HES5: variants seen among roughly 807,000 people sequenced by gnomAD.
HES5 encodes transcription factor HES-5.
Under a neutral mutation model 9.6 loss-of-function variants are expected in HES5, and 12 were observed. The observed-to-expected ratio is 1.25, with a 90% confidence interval of 0.80 to 2.03. The LOEUF is 2.03. Ranked by LOEUF, HES5 falls within the 30% of genes most tolerant of loss-of-function variation. The probability of loss-of-function intolerance (pLI) is 0.00; values close to 1 mark genes in which losing one functional copy is unlikely to be tolerated. For synonymous variants in HES5, 131 were observed against 102.4 expected (o/e 1.28, Z -1.69); for missense variants, 255 against 218.6 (o/e 1.17, Z -1.05).
In HES5 at chr1:2,529,716, T is replaced by G; in HGVS notation, c.254A>C (p.His85Pro). 7.9e-7 allele frequency: 1 copy of G among 1,265,200 alleles called. No individual in the cohort carries two copies. The highest frequency in any genetic ancestry group is 1.0e-6 in the Non-Finnish European group (1 of 992,958). The allele number at this position is 1,265,200 out of a possible 1,614,324, so 78.4% of individuals were successfully genotyped here. The change falls in exon 3 of 3, where the codon CAC becomes CCC. Residue 85 changes from histidine to proline, a missense_variant. Coordinates refer to ENST00000378453, the MANE Select transcript of HES5 (RefSeq NM_001010926.4). This position sits in a 1 kb window ranked among gnomAD's most constrained non-coding sequence, Gnocchi z 4.5. ...CGAGTAGCCTTCGCTGTAGTCCTGGTGCAGGCTCTTGGGGCCGGCGGCGGC... is the reference window on the plus strand; with the variant it reads ...CGAGTAGCCTTCGCTGTAGTCCTGGGGCAGGCTCTTGGGGCCGGCGGCGGC... ...FVAAAGPKSL[H>P]QDYSEGYSWC...
rs962041383 is a variant in HES5 at position 2,529,414 on chromosome 1, G to C, written c.*55C>G. On this transcript the variant is annotated 3_prime_UTR_variant, in exon 3 of 3. Coordinates refer to ENST00000378453, the MANE Select transcript of HES5 (RefSeq NM_001010926.4). This position sits in a 1 kb window ranked among gnomAD's most constrained non-coding sequence, Gnocchi z 4.5. ...CGGGAAGGCGCTTCCCTACAGGCGA[G>C]AGGAGCAGGCTCGCCCTCTGGTCGT... 5 of 1,074,042 alleles carry C rather than the reference G, an allele frequency of 4.7e-6. No homozygotes were observed. In the African/African-American group the frequency reaches 5.1e-5, roughly 11 times the overall value. 66.5% of individuals were successfully genotyped at this position (1,074,042 alleles called of 1,614,324 possible). A position where few individuals can be genotyped will look rare whatever the true frequency, so the allele number is the denominator to read the frequency against.
chr1:2,529,291 G>T lies in HES5; in HGVS notation c.*178C>A. 4.4e-6 allele frequency: 2 copies of T among 454,754 alleles called. No individual in the cohort carries two copies. Among genetic ancestry groups the T allele is most frequent in the Non-Finnish European group, 5.9e-6 (2 of 341,624 alleles). 28.2% of individuals were successfully genotyped at this position (454,754 alleles called of 1,614,324 possible). ...ATTGTCCTAAAACGGCAGGGACTCT[G>T]CACACACATTCTCTGAGAATGGGGC... On this transcript the variant is annotated 3_prime_UTR_variant, in exon 3 of 3. Coordinates refer to ENST00000378453, the MANE Select transcript of HES5 (RefSeq NM_001010926.4). The surrounding 1 kb of genome is among the most constrained non-coding windows in gnomAD (Gnocchi z 4.5).
In HES5 at chr1:2,529,967, G is replaced by A; in HGVS notation, c.99C>T (p.Asn33=). 1.2e-6 allele frequency: 2 copies of A among 1,609,376 alleles called. No homozygotes were observed. The highest frequency in any genetic ancestry group is 1.7e-6 in the Non-Finnish European group (2 of 1,177,936). Residue 33 remains asparagine, a synonymous_variant, in exon 2 of 3, where the codon AAC becomes AAT. Transcript: ENST00000378453. This position sits in a 1 kb window ranked among gnomAD's most constrained non-coding sequence, Gnocchi z 4.5. ...VVEKMRRDRI[N]SSIEQLKLLL... is the part of the protein sequence containing the mutation. ...GCAGCTTCAGCTGCTCGATGCTGCT[G>A]TTGATGCGGTCGCGGCGCATCTTCT...
rs1643977248 is a variant in HES5 at position 2,529,554 on chromosome 1, G to A, written c.416C>T (p.Ala139Val). Residue 139 changes from alanine to valine, a missense_variant, in exon 3 of 3, where the codon GCG becomes GTG. By Grantham distance (64) the Ala-to-Val change is moderately conservative. Coordinates refer to ENST00000378453, the MANE Select transcript of HES5 (RefSeq NM_001010926.4). The surrounding 1 kb of genome is among the most constrained non-coding windows in gnomAD (Gnocchi z 4.5). ...CTTGGCGGAGAGCGCGGGCGGGGGC[G>A]CGGCGCCCGGCGCCTTGGGCTCCTT... is the stretch of plus-strand genomic sequence containing the variant. ...PAKEPKAPGA[A>V]PPPALSAKAT... is the part of the protein sequence containing the mutation. The A allele has an allele frequency of 1.9e-6, 2 of 1,076,098 alleles. No individual in the cohort carries two copies. The highest frequency in any genetic ancestry group is 1.7e-5 in the African/African-American group (1 of 58,840). The allele number at this position is 1,076,098 out of a possible 1,614,324, so 66.7% of individuals were successfully genotyped here. A position where few individuals can be genotyped will look rare whatever the true frequency, so the allele number is the denominator to read the frequency against.
chr1:2,530,113 G>C lies in HES5; in HGVS notation c.52C>G (p.Arg18Gly). The change falls in exon 1 of 3, where the codon CGA (arginine) becomes GGA (glycine). Residue 18 changes from arginine (R) to glycine (G), a missense_variant and splice_region_variant. Transcript: ENST00000378453. Reference sequence around the variant, plus strand: ...CGCCGGGCGAGTCTGGTACTTACTCGGTTTTTCTCTTTGGGGCTGAGCAGC... The same window carrying C: ...CGCCGGGCGAGTCTGGTACTTACTCCGTTTTTCTCTTTGGGGCTGAGCAGC... Reference protein sequence around the residue: ...VELLSPKEKNRLRKPVVEKMR... With the variant: ...VELLSPKEKNGLRKPVVEKMR... 3 of 1,573,446 alleles carry C rather than the reference G, an allele frequency of 1.9e-6. No homozygotes were observed. The highest frequency in any genetic ancestry group is 2.6e-6 in the Non-Finnish European group (3 of 1,160,138).
chr1:2,530,038 G>T (rs1643986518), intron 1 of HES5, 27 bp from the exon 2 acceptor site: 1 of 1,602,782 alleles, frequency 6.2e-7, no homozygotes. Flanking sequence ...TGTCAGGCTG[G>T]CCCGGCACGG....
Position 2,530,134 on chromosome 1 carries a change from G to C in HES5, c.31C>G (p.Leu11Val), listed in dbSNP as rs1256956275. The change falls in exon 1 of 3, where the codon CTC (leucine) becomes GTC (valine). Residue 11 changes from leucine to valine, a missense_variant. Coordinates refer to ENST00000378453, the MANE Select transcript of HES5 (RefSeq NM_001010926.4). MAPSTVAVEL[L>V]SPKEKNRLRK... ...ACTCGGTTTTTCTCTTTGGGGCTGA[G>C]CAGCTCCACGGCCACAGTGCTGGGG... The C allele has an allele frequency of 6.4e-7, 1 of 1,551,484 alleles. No individual in the cohort carries two copies. The highest frequency in any genetic ancestry group is 2.0e-5 in the Admixed American group (1 of 51,138).
rs1643971591 is a variant in HES5, at chr1:2,529,259, G to C, written c.*210C>G. On this transcript the variant is annotated 3_prime_UTR_variant, in exon 3 of 3. Transcript: ENST00000378453. This position sits in a 1 kb window ranked among gnomAD's most constrained non-coding sequence, Gnocchi z 4.5. ...GGGGTCAGACACTTGGCAGAAGATG[G>C]GCCCTGATTGTCCTAAAACGGCAGG... 3.9e-6 allele frequency: 1 copy of C among 255,878 alleles called. No individual in the cohort carries two copies. Among genetic ancestry groups the C allele is most frequent in the African/African-American group, 2.3e-5 (1 of 43,364 alleles). 15.9% of individuals were successfully genotyped at this position (255,878 alleles called of 1,614,324 possible). A position where few individuals can be genotyped will look rare whatever the true frequency, so the allele number is the denominator to read the frequency against.
At position 2,529,601 on chromosome 1, in the gene HES5, C is replaced by G; in HGVS notation, c.369G>C (p.Pro123=). The G allele has an allele frequency of 1.7e-6, 2 of 1,208,158 alleles. No homozygotes were observed. The highest frequency in any genetic ancestry group is 2.1e-6 in the Non-Finnish European group (2 of 959,912). 74.8% of individuals were successfully genotyped at this position (1,208,158 alleles called of 1,614,324 possible). Residue 123 remains proline, a synonymous_variant, in exon 3 of 3, where the codon CCG becomes CCC. Coordinates refer to ENST00000378453, the MANE Select transcript of HES5 (RefSeq NM_001010926.4). The surrounding 1 kb of genome is among the most constrained non-coding windows in gnomAD (Gnocchi z 4.5). ...CCTTGGCGGGCGCGGCGGGCGCGGC[C>G]GGGGGCCGCTGGAAGTGGTACAGCA... is the stretch of plus-strand genomic sequence containing the variant. ...MKLLYHFQRP[P]AAPAAPAKEP...
Position 2,530,168 on chromosome 1 carries a change from T to C in HES5, c.-4A>G, listed in dbSNP as rs755983083. 4.0e-6 allele frequency: 6 copies of C among 1,501,022 alleles called. No homozygotes were observed. The South Asian group carries it at 5.1e-5, about 13-fold the overall frequency. 93.0% of individuals were successfully genotyped at this position (1,501,022 alleles called of 1,614,324 possible). A position where few individuals can be genotyped will look rare whatever the true frequency, so the allele number is the denominator to read the frequency against. On this transcript the variant is annotated 5_prime_UTR_variant, in exon 1 of 3. Transcript: ENST00000378453. Reference sequence around the variant, plus strand: ...CGGCCACAGTGCTGGGGGCCATGCCTGGCGCGGAACAGGCGACGAGGCGAC... The same window carrying C: ...CGGCCACAGTGCTGGGGGCCATGCCCGGCGCGGAACAGGCGACGAGGCGAC...
At position 2,529,688 on chromosome 1, in the gene HES5, C is replaced by T; in HGVS notation, c.282G>A (p.Trp94Ter). 1 of 1,309,942 alleles carries T rather than the reference C, an allele frequency of 7.6e-7. No individual in the cohort carries two copies. The highest frequency in any genetic ancestry group is 9.9e-7 in the Non-Finnish European group (1 of 1,014,784). The allele number at this position is 1,309,942 out of a possible 1,614,324, so 81.1% of individuals were successfully genotyped here. ...LHQDYSEGYS[W>*]CLQEAVQFLT... ...GGAACTGCACGGCCTCCTGCAGGCA[C>T]CACGAGTAGCCTTCGCTGTAGTCCT... The change falls in exon 3 of 3, where the codon TGG becomes TGA. Residue 94 changes from tryptophan to a stop codon, truncating the protein, a stop_gained. Transcript: ENST00000378453. LOFTEE classifies it low-confidence loss of function (END_TRUNC). The surrounding 1 kb of genome is among the most constrained non-coding windows in gnomAD (Gnocchi z 4.5).
At position 2,529,317 on chromosome 1, in the gene HES5, T is replaced by C. The variant is rs987981391; in HGVS notation, c.*152A>G. ...CACACACATTCTCTGAGAATGGGGC[T>C]CCTGCGGGCCGGCCAGCTTGGGGCC... On this transcript the variant is annotated 3_prime_UTR_variant, in exon 3 of 3. Transcript: ENST00000378453. The surrounding 1 kb of genome is among the most constrained non-coding windows in gnomAD (Gnocchi z 4.5). 1.4e-6 allele frequency: 1 copy of C among 698,076 alleles called. No individual in the cohort carries two copies. Among genetic ancestry groups the C allele is most frequent in the Non-Finnish European group, 1.8e-6 (1 of 564,676 alleles). The allele number at this position is 698,076 out of a possible 1,614,324, so 43.2% of individuals were successfully genotyped here.
chr1:2,529,802 G>A lies in HES5; in HGVS notation c.220+44C>T, dbSNP rs1643981839. 1 of 1,309,754 alleles carries A rather than the reference G, an allele frequency of 7.6e-7. No individual in the cohort carries two copies. The highest frequency in any genetic ancestry group is 9.8e-7 in the Non-Finnish European group (1 of 1,019,152). The allele number at this position is 1,309,754 out of a possible 1,614,324, so 81.1% of individuals were successfully genotyped here. A position where few individuals can be genotyped will look rare whatever the true frequency, so the allele number is the denominator to read the frequency against. On this transcript the variant is annotated intron_variant, in intron 2 of 2. Coordinates refer to ENST00000378453, the MANE Select transcript of HES5 (RefSeq NM_001010926.4). This position sits in a 1 kb window ranked among gnomAD's most constrained non-coding sequence, Gnocchi z 4.5. ...GGGCGGCGGGGCGCGGGGGAGCCGG[G>A]GCGCGGTGGGAACTCGGGGCGCGGG...
chr1:2,529,538 G>T lies in HES5; in HGVS notation c.432C>A (p.Leu144=). 1.9e-6 allele frequency: 2 copies of T among 1,064,782 alleles called. No homozygotes were observed. Among genetic ancestry groups the T allele is most frequent in the Non-Finnish European group, 2.3e-6 (2 of 881,384 alleles). 66.0% of individuals were successfully genotyped at this position (1,064,782 alleles called of 1,614,324 possible). Residue 144 remains leucine, a synonymous_variant, in exon 3 of 3, where the codon CTC becomes CTA. Transcript: ENST00000378453. The surrounding 1 kb of genome is among the most constrained non-coding windows in gnomAD (Gnocchi z 4.5). Reference sequence around the variant, plus strand: ...CGGCGGCGGCGGTGGCCTTGGCGGAGAGCGCGGGCGGGGGCGCGGCGCCCG... The same window carrying T: ...CGGCGGCGGCGGTGGCCTTGGCGGATAGCGCGGGCGGGGGCGCGGCGCCCG... The part of the protein sequence containing the change: ...KAPGAAPPPA[L]SAKATAAAAA...
In HES5 at chr1:2,529,543, C is replaced by G; in HGVS notation, c.427G>C (p.Ala143Pro). The G allele has an allele frequency of 9.4e-7, 1 of 1,062,454 alleles. No individual in the cohort carries two copies. The highest frequency in any genetic ancestry group is 6.6e-5 in the East Asian group (1 of 15,048). The allele number at this position is 1,062,454 out of a possible 1,614,324, so 65.8% of individuals were successfully genotyped here. The change falls in exon 3 of 3, where the codon GCG becomes CCG. Residue 143 changes from alanine (A) to proline (P), a missense_variant. Transcript: ENST00000378453. This position sits in a 1 kb window ranked among gnomAD's most constrained non-coding sequence, Gnocchi z 4.5. ...PKAPGAAPPP[A>P]LSAKATAAAA... The stretch of plus-strand genomic sequence containing the variant: ...GCGGCGGTGGCCTTGGCGGAGAGCG[C>G]GGGCGGGGGCGCGGCGCCCGGCGCC...
chr1:2,529,829 G>C lies in HES5; in HGVS notation c.220+17C>G. On this transcript the variant is annotated intron_variant, in intron 2 of 2. Transcript: ENST00000378453. This position sits in a 1 kb window ranked among gnomAD's most constrained non-coding sequence, Gnocchi z 4.5. Reference sequence around the variant, plus strand: ...CGCGGTGGGAACTCGGGGCGCGGGGGGCCCGGGCGCGCTCACCTTTGCTGT... The same window carrying C: ...CGCGGTGGGAACTCGGGGCGCGGGGCGCCCGGGCGCGCTCACCTTTGCTGT... The C allele has an allele frequency of 7.1e-7, 1 of 1,411,482 alleles. No homozygotes were observed. The highest frequency in any genetic ancestry group is 9.4e-7 in the Non-Finnish European group (1 of 1,066,952). 87.4% of individuals were successfully genotyped at this position (1,411,482 alleles called of 1,614,324 possible).
At position 2,530,152 on chromosome 1, in the gene HES5, T is replaced by A. The variant is rs1350014175; in HGVS notation, c.13A>T (p.Thr5Ser). 3.3e-6 allele frequency: 5 copies of A among 1,522,632 alleles called. No homozygotes were observed. The highest frequency in any genetic ancestry group is 4.4e-6 in the Non-Finnish European group (5 of 1,133,880). The allele number at this position is 1,522,632 out of a possible 1,614,324, so 94.3% of individuals were successfully genotyped here. A position where few individuals can be genotyped will look rare whatever the true frequency, so the allele number is the denominator to read the frequency against. Residue 5 changes from threonine to serine, a missense_variant, in exon 1 of 3, where the codon ACT (threonine) becomes TCT (serine). Transcript: ENST00000378453. ...GGGCTGAGCAGCTCCACGGCCACAG[T>A]GCTGGGGGCCATGCCTGGCGCGGAA... is the stretch of plus-strand genomic sequence containing the variant. MAPS[T>S]VAVELLSPKE... is the part of the protein sequence containing the mutation.
rs1253751510 is a variant in HES5 at position 2,529,868 on chromosome 1, G to A, written c.198C>T (p.Val66=). 1.9e-6 allele frequency: 3 copies of A among 1,596,688 alleles called. No individual in the cohort carries two copies. The highest frequency in any genetic ancestry group is 1.7e-5 in the Admixed American group (1 of 58,528). ...CACCTTTGCTGTGCTTCAGGTAGCT[G>A]ACAGCCATCTCCAGGATGTCGGCCT... ...LEKADILEMA[V]SYLKHSKAFV... The change falls in exon 2 of 3, where the codon GTC becomes GTT. Residue 66 remains valine, a synonymous_variant. Coordinates refer to ENST00000378453, the MANE Select transcript of HES5 (RefSeq NM_001010926.4). The surrounding 1 kb of genome is among the most constrained non-coding windows in gnomAD (Gnocchi z 4.5).
Position 2,529,809 on chromosome 1 carries a change from T to A in HES5, c.220+37A>T. On this transcript the variant is annotated intron_variant, in intron 2 of 2. Coordinates refer to ENST00000378453, the MANE Select transcript of HES5 (RefSeq NM_001010926.4). This position sits in a 1 kb window ranked among gnomAD's most constrained non-coding sequence, Gnocchi z 4.5. ...GGGGCGCGGGGGAGCCGGGGCGCGG[T>A]GGGAACTCGGGGCGCGGGGGGCCCG... The A allele has an allele frequency of 1.5e-6, 2 of 1,327,764 alleles. No individual in the cohort carries two copies. Among genetic ancestry groups the A allele is most frequent in the Non-Finnish European group, 1.9e-6 (2 of 1,026,018 alleles). The allele number at this position is 1,327,764 out of a possible 1,614,324, so 82.2% of individuals were successfully genotyped here. A position where few individuals can be genotyped will look rare whatever the true frequency, so the allele number is the denominator to read the frequency against.
Sources: allele counts gnomAD v4.1 joint callset, GRCh38; gene constraint gnomAD v4.1.1; non-coding constraint Gnocchi (gnomAD v3.1); transcripts MANE v1.5; gene names NCBI Gene and HGNC (gene_info 2026-07-23, HGNC 2026-07-21).